The following ZNF385D variants were observed in gnomAD, a reference collection of about 807,000 sequenced individuals.
The protein encoded by ZNF385D is zinc finger protein 385D.
In ZNF385D, 15 loss-of-function variants were observed where a neutral mutation model predicts 35.8. That is an observed-to-expected ratio of 0.42 (90% CI 0.28 to 0.64). The LOEUF is 0.64. Ranked by LOEUF, ZNF385D falls within the 30% of genes least tolerant of loss-of-function variation. The pLI is 0.23. For synonymous variants in ZNF385D, 212 were observed against 186.8 expected (o/e 1.13, Z -1.10); for missense variants, 474 against 494.6 (o/e 0.96, Z 0.39).
At chr3:22,249,848 T>C (rs1422132580) in intron 2 of ZNF385D, among the ~76,000 whole-genome samples, 1 of 152,166 alleles carries the variant, frequency 6.6e-6, no homozygotes, top group Non-Finnish European at 1.5e-5. Flanking sequence ...AAGAGATGGA[T>C]GTATATGCCA....
intron 2 of ZNF385D, among the ~76,000 whole-genome samples, chr3:22,363,710 C>G (rs975354007): frequency 1.3e-5 from 2 of 152,114 alleles, no homozygotes; most frequent in African/African-American, 2.4e-5. Context: ...TGTATTCTTA[C>G]AGAACATAGG....
chr3:21,501,247 G>A (rs982835517), intron 4 of ZNF385D, among the ~76,000 whole-genome samples: 3 of 152,008 alleles, frequency 2.0e-5, no homozygotes, highest in African/African-American at 7.3e-5. Flanking sequence ...TCCTTCTGCC[G>A]TCTTCCTTCT....
chr3:22,309,627 A>T (rs9846466), intron 2 of ZNF385D, among the ~76,000 whole-genome samples: 10,514 of 152,060 alleles, frequency 0.069, 817 homozygotes, highest in African/African-American at 0.19. Context: ...CTAGCTTTTT[A>T]AATTTTAAAA....
rs1396141172 is a variant in ZNF385D, at chr3:21,583,419, ATCAAAGAAT to A, written c.166-18744_166-18736del. ...CCTTTTCTAGTTTTAAAATTTTCTTATCAAAGAATGCACACATAGCAACAAATACAAGGG... is the reference window on the plus strand; with the variant it reads ...CCTTTTCTAGTTTTAAAATTTTCTTAGCACACATAGCAACAAATACAAGGG... On this transcript the variant is annotated intron_variant, in intron 2 of 7. Coordinates refer to ENST00000281523, the MANE Select transcript of ZNF385D (RefSeq NM_024697.3). Among the ~76,000 whole-genome samples the A allele has an allele frequency of 1.3e-4, 20 of 152,328 alleles. No homozygotes were observed. The East Asian group carries it at 3.7e-3, about 28-fold the overall frequency.
At chr3:21,979,282 T>A (rs527874856) in intron 3 of ZNF385D, among the ~76,000 whole-genome samples, 1 of 152,222 alleles carries the variant, frequency 6.6e-6, no homozygotes, top group Non-Finnish European at 1.5e-5. Flanking sequence ...AATTCTGTGC[T>A]ATTATATTAT....
chr3:21,772,637 A>G (rs2071125674), intron 3 of ZNF385D, among the ~76,000 whole-genome samples: 1 of 151,962 alleles, frequency 6.6e-6, no homozygotes, highest in African/African-American at 2.4e-5. Context: ...GTCATTGTGG[A>G]AAACGGTATG....
In ZNF385D at chr3:22,195,491, C is replaced by A. The variant is rs547074849; in HGVS notation, c.107-26456G>T. Among the ~76,000 whole-genome samples the A allele has an allele frequency of 3.3e-5, 5 of 152,078 alleles. No homozygotes were observed. The South Asian group carries it at 1.0e-3, about 32-fold the overall frequency. On this transcript the variant is annotated intron_variant, in intron 2 of 5. Transcript: ENST00000494108. ...ATGCTTTTTATGTCATATATAAGAA[C>A]ACTTTTTCCTGATCCAGTTCATAAA...
chr3:21,421,295 G>A lies in ZNF385D; in HGVS notation c.1107C>T (p.Ser369=), dbSNP rs427233. Residue 369 remains serine (S), a synonymous_variant, in exon 8 of 8, where the codon TCC becomes TCT. Coordinates refer to ENST00000281523, the MANE Select transcript of ZNF385D (RefSeq NM_024697.3). ...GCCGCAGGAGTGCCGGAGGAAGCGCGGAAGTCTGGAACAGTGTTGCTGCTG... is the reference window on the plus strand; with the variant it reads ...GCCGCAGGAGTGCCGGAGGAAGCGCAGAAGTCTGGAACAGTGTTGCTGCTG... ...TAPAATLFQT[S]ALPPALLRPA... is the part of the protein sequence containing the mutation. The A allele has an allele frequency of 0.84, 1,355,291 of 1,613,842 alleles. 571,107 individuals are homozygous for A. The highest frequency in any genetic ancestry group is 1 in the East Asian group (44,837 of 44,876).
Position 22,242,151 on chromosome 3 carries a change from A to G in ZNF385D, c.107-73116T>C, listed in dbSNP as rs142203533. 5.3e-3 allele frequency among the ~76,000 whole-genome samples: 804 copies of G among 150,876 alleles called. 42 individuals carry two copies. Among genetic ancestry groups the G allele is most frequent in the African/African-American group, 0.019 (756 of 40,800 alleles). On this transcript the variant is annotated intron_variant, in intron 2 of 5. Transcript: ENST00000494108. ...GATGACGAGTTAGTGGGTGCAGCGCACCAGCGTGGCACCTGTATACATATG... is the reference window on the plus strand; with the variant it reads ...GATGACGAGTTAGTGGGTGCAGCGCGCCAGCGTGGCACCTGTATACATATG...
intron 3 of ZNF385D, among the ~76,000 whole-genome samples, chr3:22,061,226 G>A (rs1230129577): frequency 5.3e-5 from 8 of 152,142 alleles, no homozygotes; most frequent in Admixed American, 5.2e-4. Flanking sequence ...TCAGCAGTGA[G>A]CATAAAGTAT....
At chr3:22,048,596 T>C (rs1699152559) in intron 3 of ZNF385D, among the ~76,000 whole-genome samples, 1 of 152,206 alleles carries the variant, frequency 6.6e-6, no homozygotes, top group Non-Finnish European at 1.5e-5. Context: ...TGTGTTCTAT[T>C]GGCCTATGTG....
At chr3:22,250,157 A>G (rs183529599) in intron 2 of ZNF385D, among the ~76,000 whole-genome samples, 311 of 152,272 alleles carry the variant, frequency 2.0e-3, no homozygotes, top group African/African-American at 7.1e-3. Context: ...AATTTTATTT[A>G]TATGTAGCAA....
At chr3:21,893,188 G>C (rs754137764) in intron 3 of ZNF385D, among the ~76,000 whole-genome samples, 48 of 152,104 alleles carry the variant, frequency 3.2e-4, no homozygotes, top group Non-Finnish European at 6.0e-4. Context: ...ATGTGGAAGA[G>C]TATTGGTAGA....
chr3:21,730,715 T>C (rs2068956722), intron 1 of ZNF385D, among the ~76,000 whole-genome samples: 1 of 152,244 alleles, frequency 6.6e-6, no homozygotes, highest in East Asian at 1.9e-4. Context: ...TTTTTAGAAA[T>C]GTACTTGCTT....
At chr3:22,006,768 A>T (rs1696235639) in intron 3 of ZNF385D, among the ~76,000 whole-genome samples, 1 of 152,044 alleles carries the variant, frequency 6.6e-6, no homozygotes, top group South Asian at 2.1e-4. Flanking sequence ...CATCTCTTGA[A>T]ATATATAAAT....
chr3:22,076,996 G>T (rs1168525309), intron 3 of ZNF385D, among the ~76,000 whole-genome samples: 1 of 151,770 alleles, frequency 6.6e-6, no homozygotes, highest in Non-Finnish European at 1.5e-5. Flanking sequence ...CAATTTATAA[G>T]GACTCTTTGG....
chr3:21,564,598 A>G lies in ZNF385D; in HGVS notation c.252T>C (p.Ile84=), dbSNP rs772057854. Residue 84 remains isoleucine, a synonymous_variant, in exon 3 of 8, where the codon ATT becomes ATC. Coordinates refer to ENST00000281523, the MANE Select transcript of ZNF385D (RefSeq NM_024697.3). ...HRRKQIISCN[I]CQLRFNSDSQ... ...CATCAGAATTAAATCTCAACTGGCA[A>G]ATGTTGCATGATATGATTTGCTTTC... is the stretch of plus-strand genomic sequence containing the variant. 1.9e-6 allele frequency: 3 copies of G among 1,556,746 alleles called. No homozygotes were observed. Among genetic ancestry groups the G allele is most frequent in the East Asian group, 2.4e-5 (1 of 42,150 alleles).
intron 3 of ZNF385D, among the ~76,000 whole-genome samples, chr3:21,798,840 A>T (rs754298900): frequency 1.3e-5 from 2 of 152,188 alleles, no homozygotes; most frequent in Admixed American, 6.5e-5. Flanking sequence ...CAATTTTAAA[A>T]TGTACAATTC....
chr3:21,590,691 G>T (rs77003912), intron 2 of ZNF385D, among the ~76,000 whole-genome samples: 6,138 of 152,052 alleles, frequency 0.04, 237 homozygotes, highest in East Asian at 0.16. Context: ...TCATTTGTTG[G>T]TGGGAGATGA....
Sources: allele counts gnomAD v4.1 joint callset (sites outside exome capture counted in the v4.1 genomes callset), GRCh38; gene constraint gnomAD v4.1.1; transcripts MANE v1.5; gene names NCBI Gene and HGNC (gene_info 2026-07-23, HGNC 2026-07-21).